The following PTPRQ variants were observed in gnomAD, a reference collection of about 807,000 sequenced individuals.
The protein encoded by PTPRQ is phosphatidylinositol phosphatase PTPRQ.
In PTPRQ, 199 loss-of-function variants were observed where a neutral mutation model predicts 246.0. That is an observed-to-expected ratio of 0.81 (90% confidence interval 0.72 to 0.91). The LOEUF is 0.91. Among genes scored for constraint, PTPRQ ranks in the 40% least tolerant of loss-of-function variants. PTPRQ has a pLI of 0.00. For synonymous variants in PTPRQ, 869 were observed against 853.2 expected, an observed-to-expected ratio of 1.02 and a Z score of -0.32; for missense variants, 2,624 against 2,528.4, an observed-to-expected ratio of 1.04 and a Z score of -0.81.
chr12:80,635,618 A>G (rs1021940825), intron 35 of PTPRQ, among the ~76,000 whole-genome samples: 43 of 152,100 alleles, frequency 2.8e-4, no homozygotes, highest in African/African-American at 9.6e-4. Flanking sequence ...AAGTAAAAAC[A>G]TGTGTACTAA....
At position 80,450,441 on chromosome 12, in the gene PTPRQ, T is replaced by A. The variant is rs1392019209; in HGVS notation, c.390+4724T>A. 2.0e-5 allele frequency among the ~76,000 whole-genome samples: 3 copies of A among 152,158 alleles called. No individual in the cohort carries two copies. The East Asian group carries it at 5.8e-4, about 29-fold the overall frequency. On this transcript the variant is annotated intron_variant, in intron 3 of 44. Transcript: ENST00000644991. ...TGAATAGGAGTGGTGAGAGAGGGCA[T>A]CCCTGTCTTGTGCCAGTTTTCAAAG...
Position 80,444,611 on chromosome 12 carries a change from T to A in PTPRQ, c.55-130T>A, listed in dbSNP as rs184246077. 50 of 721,446 alleles carry A rather than the reference T, an allele frequency of 6.9e-5. No individual in the cohort carries two copies. In the African/African-American group the frequency reaches 8.8e-4, roughly 13 times the overall value. 44.7% of individuals were successfully genotyped at this position (721,446 alleles called of 1,614,324 possible). On this transcript the variant is annotated intron_variant, in intron 1 of 44. Coordinates refer to ENST00000644991, the MANE Select transcript of PTPRQ (RefSeq NM_001145026.2). ...TTGTATCTTACAATAATATGGAACT[T>A]ATTGTGATGTTATAAACAGTGCAGA...
In PTPRQ at chr12:80,450,806, C is replaced by T. The variant is rs190130286; in HGVS notation, c.390+5089C>T. On this transcript the variant is annotated intron_variant, in intron 3 of 44. Coordinates refer to ENST00000644991, the MANE Select transcript of PTPRQ (RefSeq NM_001145026.2). ...AGTATTTTACTGAGGATTTTTGCATCGATGTTCATCAAGGATATTGGTCTA... is the reference window on the plus strand; with the variant it reads ...AGTATTTTACTGAGGATTTTTGCATTGATGTTCATCAAGGATATTGGTCTA... 3.5e-3 allele frequency among the ~76,000 whole-genome samples: 535 copies of T among 152,194 alleles called. 5 individuals carry two copies. Among genetic ancestry groups the T allele is most frequent in the African/African-American group, 0.013 (523 of 41,520 alleles).
chr12:80,670,977 C>T (rs1443708198), intron 42 of PTPRQ, among the ~76,000 whole-genome samples: 1 of 152,000 alleles, frequency 6.6e-6, no homozygotes, highest in African/African-American at 2.4e-5. Flanking sequence ...TGTTATTCAT[C>T]TTTCACCACA....
chr12:80,671,638 G>C (rs1288961031), intron 42 of PTPRQ, among the ~76,000 whole-genome samples: 1 of 152,038 alleles, frequency 6.6e-6, no homozygotes, highest in Non-Finnish European at 1.5e-5. Context: ...CTTGACTTTA[G>C]ACTTCTACAT....
intron 35 of PTPRQ, among the ~76,000 whole-genome samples, chr12:80,641,985 G>GCTTGCTTCTTTCTTTTTT (rs1899879919): frequency 1.4e-5 from 2 of 141,526 alleles, no homozygotes; most frequent in Non-Finnish European, 3.1e-5. Flanking sequence ...TTTCTTGCTT[G>GCTTGCTTCTTTCTTTTTT]CTTGCTTCTT....
chr12:80,587,228 TTTA>T (rs1347324206), intron 25 of PTPRQ, among the ~76,000 whole-genome samples: 20 of 152,196 alleles, frequency 1.3e-4, no homozygotes, highest in African/African-American at 4.6e-4. Context: ...TTTCTAAATA[TTTA>T]TTAATTTTCT....
In PTPRQ at chr12:80,445,516, C is replaced by T. The variant is rs558947480; in HGVS notation, c.189C>T (p.Ala63=). ...AACCAGGGCCTCCAGTCTTCCTAGC[C>T]GGGGAAAGAGTCGGATCTGCTGGGA... ...VTKPGPPVFL[A]GERVGSAGIL... Residue 63 remains alanine (A), a synonymous_variant, in exon 3 of 45, where the codon GCC becomes GCT. Coordinates refer to ENST00000644991, the MANE Select transcript of PTPRQ (RefSeq NM_001145026.2). The T allele has an allele frequency of 5.6e-5, 87 of 1,545,138 alleles. No homozygotes were observed. The highest frequency in any genetic ancestry group is 6.4e-5 in the Non-Finnish European group (73 of 1,144,212).
chr12:80,673,222 A>G lies in PTPRQ; in HGVS notation c.6656A>G (p.His2219Arg). 1 of 1,551,068 alleles carries G rather than the reference A, an allele frequency of 6.4e-7. No homozygotes were observed. Among genetic ancestry groups the G allele is most frequent in the Non-Finnish European group, 8.7e-7 (1 of 1,146,526 alleles). The part of the protein sequence containing the change: ...VFIALDHLTQ[H>R]INDHDFVDIY... ...ATTGCTCTGGACCATTTAACACAAC[A>G]TATAAATGACCATGATTTTGTGGAT... is the stretch of plus-strand genomic sequence containing the variant. Residue 2219 changes from histidine (H) to arginine (R), a missense_variant, in exon 43 of 45, where the codon CAT (histidine) becomes CGT (arginine). Transcript: ENST00000644991.
chr12:80,646,569 G>T (rs1454956694), intron 35 of PTPRQ, among the ~76,000 whole-genome samples: 1 of 152,148 alleles, frequency 6.6e-6, no homozygotes, highest in African/African-American at 2.4e-5. Flanking sequence ...ACCCTCCGAT[G>T]CTTCTAGCCT....
At chr12:80,551,926 G>A (rs1896486105) in intron 25 of PTPRQ, among the ~76,000 whole-genome samples, 1 of 151,538 alleles carries the variant, frequency 6.6e-6, no homozygotes. Context: ...AGATTGCTTT[G>A]CTTCCTTTAA....
At chr12:80,501,115 G>A (rs1366755776) in intron 14 of PTPRQ, among the ~76,000 whole-genome samples, 1 of 151,872 alleles carries the variant, frequency 6.6e-6, no homozygotes, top group Non-Finnish European at 1.5e-5. Flanking sequence ...GGGCAGAGCA[G>A]GGCATTTCTG....
chr12:80,473,917 C>A (rs1409329552), intron 8 of PTPRQ, among the ~76,000 whole-genome samples: 3 of 152,218 alleles, frequency 2.0e-5, no homozygotes, highest in Admixed American at 2.0e-4. Flanking sequence ...AGATCACACC[C>A]TGGTGGGTCT....
At chr12:80,555,536 C>T (rs1187955837) in intron 25 of PTPRQ, among the ~76,000 whole-genome samples, 2 of 152,122 alleles carry the variant, frequency 1.3e-5, no homozygotes, top group Non-Finnish European at 1.5e-5. Flanking sequence ...TTTCCTCATC[C>T]ATCTCCTGAA....
intron 37 of PTPRQ, among the ~76,000 whole-genome samples, chr12:80,651,795 G>A (rs1041879333): frequency 9.2e-5 from 14 of 151,670 alleles, no homozygotes; most frequent in Non-Finnish European, 1.5e-4. Context: ...GCTGTTCTAG[G>A]ACTCCTTATT....
At chr12:80,552,872 C>G (rs773177177) in intron 25 of PTPRQ, among the ~76,000 whole-genome samples, 11 of 151,638 alleles carry the variant, frequency 7.3e-5, no homozygotes, top group Non-Finnish European at 1.3e-4. Context: ...GAATGTGCAG[C>G]ACTGTGGCAT....
At chr12:80,517,610 A>G (rs951717831) in intron 17 of PTPRQ, among the ~76,000 whole-genome samples, 9 of 151,552 alleles carry the variant, frequency 5.9e-5, no homozygotes, top group Non-Finnish European at 1.3e-4. Context: ...CATTCTTTCT[A>G]TTTTTTTATA....
At chr12:80,654,471 T>C (rs1175365591) in intron 38 of PTPRQ, among the ~76,000 whole-genome samples, 1 of 152,230 alleles carries the variant, frequency 6.6e-6, no homozygotes, top group African/African-American at 2.4e-5. Flanking sequence ...GCTTCATGCT[T>C]ATTTGGTGAT....
At chr12:80,533,577 A>C (rs371521413) in intron 17 of PTPRQ, among the ~76,000 whole-genome samples, 131 of 152,114 alleles carry the variant, frequency 8.6e-4, no homozygotes, top group African/African-American at 3.0e-3. Context: ...GTTGGCCTGA[A>C]GTAAATGTTA....
Sources: allele counts gnomAD v4.1 joint callset (sites outside exome capture counted in the v4.1 genomes callset), GRCh38; gene constraint gnomAD v4.1.1; transcripts MANE v1.5; gene names NCBI Gene and HGNC (gene_info 2026-07-23, HGNC 2026-07-21).